RAB38: variants seen among roughly 807,000 people sequenced by gnomAD.
RAB38 encodes ras-related protein Rab-38.
RAB38 carries 15 observed loss-of-function variants against 18.4 expected under a neutral mutation model. That is an observed-to-expected ratio of 0.82 (90% confidence interval 0.55 to 1.26). The LOEUF (loss-of-function observed/expected upper bound fraction) is 1.26, where lower values mean the gene tolerates loss of function less well. RAB38 is among the 50% of genes most tolerant of loss of function. The probability of loss-of-function intolerance (pLI) is 0.00; values close to 1 mark genes in which losing one functional copy is unlikely to be tolerated. For synonymous variants in RAB38, 101 were observed against 104.4 expected (o/e 0.97, Z 0.20); for missense variants, 294 against 267.4 (o/e 1.10, Z -0.69).
the RAB38 span, among the ~76,000 whole-genome samples, chr11:87,875,730 C>T: frequency 1.3e-5 from 2 of 151,312 alleles, no homozygotes; most frequent in East Asian, 3.9e-4. Context: ...TTGATATTAC[C>T]TTAAGCATTA....
the RAB38 span, among the ~76,000 whole-genome samples, chr11:87,921,488 A>T: frequency 6.6e-6 from 1 of 151,186 alleles, no homozygotes; most frequent in Non-Finnish European, 1.5e-5. Context: ...TGCATTTTTG[A>T]CATGATATTT....
chr11:87,814,956 A>G, the RAB38 span: 1 of 152,208 alleles, frequency 6.6e-6, no homozygotes, highest in Admixed American at 6.5e-5. Flanking sequence ...GATGTTCTGG[A>G]TCTCCTGACC....
chr11:87,879,376 G>C, the RAB38 span: 5 of 151,604 alleles, frequency 3.3e-5, no homozygotes, highest in Admixed American at 2.6e-4. Flanking sequence ...GTGGGGCATG[G>C]GGGTGGGGAG....
the RAB38 span, among the ~76,000 whole-genome samples, chr11:87,949,379 C>G: frequency 6.6e-6 from 1 of 152,244 alleles, no homozygotes; most frequent in South Asian, 2.1e-4. Context: ...TTTTTTGTGT[C>G]TCTATTTCCT....
chr11:87,926,347 A>G, the RAB38 span, among the ~76,000 whole-genome samples: 1 of 152,042 alleles, frequency 6.6e-6, no homozygotes, highest in African/African-American at 2.4e-5. Flanking sequence ...ACTATTGTCA[A>G]TTAAAATGTA....
the RAB38 span, among the ~76,000 whole-genome samples, chr11:87,821,624 T>A: frequency 1.3e-5 from 2 of 151,656 alleles, no homozygotes; most frequent in African/African-American, 4.8e-5. Context: ...CCGAGGCGGG[T>A]AGATCACCTG....
At chr11:87,836,551 C>A in the RAB38 span, among the ~76,000 whole-genome samples, 2 of 152,144 alleles carry the variant, frequency 1.3e-5, no homozygotes, top group Admixed American at 1.3e-4. Context: ...GTTACCACCA[C>A]AAAATCTCAA....
the RAB38 span, among the ~76,000 whole-genome samples, chr11:87,881,761 G>T: frequency 6.6e-6 from 1 of 151,510 alleles, no homozygotes; most frequent in African/African-American, 2.4e-5. Flanking sequence ...TGGCTTTATA[G>T]TCACATTCTT....
At chr11:87,956,983 TGGGGGG>T in the RAB38 span, among the ~76,000 whole-genome samples, 1 of 149,080 alleles carries the variant, frequency 6.7e-6, no homozygotes, top group Non-Finnish European at 1.5e-5. Flanking sequence ...TGCAGTTTTT[TGGGGGG>T]GGGTCCTTGA....
At chr11:88,158,902 T>C (rs1487070666) in intron 1 of RAB38, among the ~76,000 whole-genome samples, 1 of 152,058 alleles carries the variant, frequency 6.6e-6, no homozygotes. Context: ...AACACATTAC[T>C]GGAAGTGCTA....
intron 1 of RAB38, among the ~76,000 whole-genome samples, chr11:88,158,351 C>CA (rs1311029645): frequency 5.9e-5 from 9 of 152,062 alleles, no homozygotes; most frequent in Admixed American, 3.3e-4. Context: ...ACCAGACATA[C>CA]AAAAAAGACT....
At chr11:87,949,553 T>C in the RAB38 span, among the ~76,000 whole-genome samples, 1 of 152,242 alleles carries the variant, frequency 6.6e-6, no homozygotes, top group African/African-American at 2.4e-5. Context: ...CTCTACACAC[T>C]GCTTTGAATG....
the RAB38 span, among the ~76,000 whole-genome samples, chr11:88,054,077 G>C: frequency 6.6e-6 from 1 of 152,130 alleles, no homozygotes; most frequent in Admixed American, 6.5e-5. Context: ...TGTTATGCCC[G>C]CATCACCTGA....
At chr11:87,931,215 T>A in the RAB38 span, among the ~76,000 whole-genome samples, 1 of 152,104 alleles carries the variant, frequency 6.6e-6, no homozygotes, top group South Asian at 2.1e-4. Flanking sequence ...GTTCTTCCAT[T>A]TTGGATAATA....
downstream of RAB38, among the ~76,000 whole-genome samples, chr11:88,112,721 C>T (rs868826715): frequency 1.2e-4 from 18 of 152,118 alleles, no homozygotes; most frequent in Middle Eastern, 3.4e-3. Flanking sequence ...TTGCAGTGAG[C>T]TGAGATCGCG....
chr11:88,138,786 T>TA (rs1942866530), intron 2 of RAB38, among the ~76,000 whole-genome samples: 1 of 114,692 alleles, frequency 8.7e-6, no homozygotes, highest in African/African-American at 3.5e-5. Flanking sequence ...TTCTTTTTTT[T>TA]TTATTATTTT....
the RAB38 span, among the ~76,000 whole-genome samples, chr11:87,922,239 A>G: frequency 6.6e-6 from 1 of 152,002 alleles, no homozygotes; most frequent in Non-Finnish European, 1.5e-5. Flanking sequence ...CAAAAGGGAA[A>G]GACTATACTG....
the RAB38 span, among the ~76,000 whole-genome samples, chr11:87,831,367 C>G: frequency 6.6e-6 from 1 of 152,100 alleles, no homozygotes; most frequent in Non-Finnish European, 1.5e-5. Context: ...CAGAGGCATG[C>G]ATTTTAGGGT....
At chr11:87,842,018 T>C in the RAB38 span, among the ~76,000 whole-genome samples, 2 of 152,198 alleles carry the variant, frequency 1.3e-5, no homozygotes, top group African/African-American at 4.8e-5. Context: ...TCAAAACACT[T>C]TGTCACAGAA....
Sources: gnomAD v4.1 joint callset for allele counts (sites outside exome capture counted in the v4.1 genomes callset) on GRCh38, gnomAD v4.1.1 for gene constraint, MANE v1.5 for transcripts, NCBI Gene and HGNC (gene_info 2026-07-23, HGNC 2026-07-21) for gene names.